The following DACH1 variants were observed in gnomAD, a reference collection of about 807,000 sequenced individuals.
DACH1 encodes dachshund homolog 1.
Under a neutral mutation model 54.2 loss-of-function variants are expected in DACH1, and 12 were observed. That is an observed-to-expected ratio of 0.22 (90% CI 0.14 to 0.36). DACH1 has a LOEUF of 0.36. DACH1 is among the 10% of genes least tolerant of loss of function. DACH1 has a pLI of 1.00. For missense variants in DACH1, 805 were observed against 929.8 expected, an observed-to-expected ratio of 0.87 and a Z score of 1.75; for synonymous variants, 386 against 366.2, an observed-to-expected ratio of 1.05 and a Z score of -0.62.
At chr13:71,711,243 C>T (rs1744119693) in intron 1 of DACH1, among the ~76,000 whole-genome samples, 1 of 152,120 alleles carries the variant, frequency 6.6e-6, no homozygotes. Context: ...AGTATCAACA[C>T]TTAAACTGCA....
intron 1 of DACH1, among the ~76,000 whole-genome samples, chr13:71,699,314 T>C (rs1295651811): frequency 6.6e-6 from 1 of 152,194 alleles, no homozygotes; most frequent in Non-Finnish European, 1.5e-5. Flanking sequence ...TTTTAAAATC[T>C]CTCCTCTTTA....
At chr13:71,751,663 G>A (rs1029782073) in intron 1 of DACH1, among the ~76,000 whole-genome samples, 1 of 152,088 alleles carries the variant, frequency 6.6e-6, no homozygotes, top group African/African-American at 2.4e-5. Flanking sequence ...TCTAGCAGGA[G>A]TAAGAGTAAA....
At chr13:71,525,752 T>G (rs899717535) in intron 6 of DACH1, among the ~76,000 whole-genome samples, 2 of 152,154 alleles carry the variant, frequency 1.3e-5, no homozygotes, top group Admixed American at 1.3e-4. Flanking sequence ...TTTTCTAACA[T>G]TAAGCTTATC....
At chr13:71,723,802 C>A (rs1398907817) in intron 1 of DACH1, among the ~76,000 whole-genome samples, 1 of 151,990 alleles carries the variant, frequency 6.6e-6, no homozygotes, top group African/African-American at 2.4e-5. Flanking sequence ...GTGATCCGCC[C>A]ACCTCAGCCT....
chr13:71,613,711 G>C (rs1225046638), intron 3 of DACH1, among the ~76,000 whole-genome samples: 5 of 152,026 alleles, frequency 3.3e-5, no homozygotes, highest in African/African-American at 9.7e-5. Flanking sequence ...GGTTGTTGTG[G>C]GCTTTTGTGG....
intron 2 of DACH1, among the ~76,000 whole-genome samples, chr13:71,652,908 G>A (rs1878785910): frequency 6.6e-6 from 1 of 152,046 alleles, no homozygotes; most frequent in African/African-American, 2.4e-5. Flanking sequence ...TAGAAAAGTG[G>A]ACCGCGATGA....
intron 4 of DACH1, among the ~76,000 whole-genome samples, chr13:71,570,317 A>T (rs1180920956): frequency 6.6e-6 from 1 of 152,136 alleles, no homozygotes; most frequent in Non-Finnish European, 1.5e-5. Context: ...TTTACTTTCA[A>T]TAATCTTTAC....
chr13:71,668,171 A>G (rs1191074200), intron 2 of DACH1, among the ~76,000 whole-genome samples: 1 of 151,992 alleles, frequency 6.6e-6, no homozygotes, highest in African/African-American at 2.4e-5. Flanking sequence ...TATTGCCTTT[A>G]ATATTAAACA....
At chr13:71,649,235 A>C (rs1485121426) in intron 2 of DACH1, among the ~76,000 whole-genome samples, 1 of 152,180 alleles carries the variant, frequency 6.6e-6, no homozygotes, top group Non-Finnish European at 1.5e-5. Flanking sequence ...GTATGTAGTA[A>C]GCTATACCAC....
intron 2 of DACH1, among the ~76,000 whole-genome samples, chr13:71,651,553 T>C (rs1462152131): frequency 6.6e-6 from 1 of 151,998 alleles, no homozygotes; most frequent in Non-Finnish European, 1.5e-5. Flanking sequence ...CCCAGCTACT[T>C]GGGATACTGA....
intron 3 of DACH1, among the ~76,000 whole-genome samples, chr13:71,612,042 T>C (rs1875370426): frequency 6.6e-6 from 1 of 152,070 alleles, no homozygotes; most frequent in Non-Finnish European, 1.5e-5. Context: ...ACAAAAGATA[T>C]TTTTGTTGTT....
At chr13:71,768,429 T>C (rs1018765012) in intron 1 of DACH1, among the ~76,000 whole-genome samples, 1 of 152,012 alleles carries the variant, frequency 6.6e-6, no homozygotes, top group African/African-American at 2.4e-5. Context: ...CTTTCTTTTC[T>C]TTCCTCTCTG....
intron 10 of DACH1, among the ~76,000 whole-genome samples, chr13:71,466,081 T>C (rs1257715531): frequency 6.6e-6 from 1 of 152,206 alleles, no homozygotes; most frequent in Admixed American, 6.5e-5. Context: ...TTATTTTGCA[T>C]GTTTATACTG....
At chr13:71,693,295 G>GCTTTTTTTTTTTTTTTT (rs1881619657) in intron 1 of DACH1, among the ~76,000 whole-genome samples, 1 of 112,712 alleles carries the variant, frequency 8.9e-6, no homozygotes, top group Non-Finnish European at 1.7e-5. Flanking sequence ...CATTTGTTTT[G>GCTTTTTTTTTTTTTTTT]CTTTTTTTTT....
intron 1 of DACH1, among the ~76,000 whole-genome samples, chr13:71,787,374 T>C (rs1485595656): frequency 2.0e-5 from 3 of 152,208 alleles, no homozygotes; most frequent in African/African-American, 4.8e-5. Flanking sequence ...GCATGAAATT[T>C]TTAAAAAGGT....
chr13:71,636,897 G>A (rs892570402), intron 2 of DACH1, among the ~76,000 whole-genome samples: 4 of 152,088 alleles, frequency 2.6e-5, no homozygotes, highest in Non-Finnish European at 5.9e-5. Context: ...GCAAACTTAT[G>A]CTTGCTTCTT....
chr13:71,522,431 A>G (rs1209545522), intron 6 of DACH1, among the ~76,000 whole-genome samples: 2 of 151,960 alleles, frequency 1.3e-5, no homozygotes, highest in African/African-American at 2.4e-5. Flanking sequence ...CTTTCTGTCT[A>G]TTTTGATGAG....
intron 3 of DACH1, 56 bp downstream of exon 3, chr13:71,630,500 T>A: frequency 6.7e-7 from 1 of 1,486,666 alleles, no homozygotes; most frequent in Non-Finnish European, 8.9e-7. Context: ...GAAAAGCATT[T>A]ACTGTAATTC....
chr13:71,683,527 T>C (rs563970416), intron 1 of DACH1, among the ~76,000 whole-genome samples: 31 of 152,146 alleles, frequency 2.0e-4, no homozygotes, highest in Non-Finnish European at 3.8e-4. Flanking sequence ...TGATTGAGAC[T>C]TTCAGAGTTA....
Sources: allele counts gnomAD v4.1 joint callset (sites outside exome capture counted in the v4.1 genomes callset), GRCh38; gene constraint gnomAD v4.1.1; transcripts MANE v1.5; gene names NCBI Gene and HGNC (gene_info 2026-07-23, HGNC 2026-07-21).